The following DOK5 variants were observed in gnomAD, a reference collection of about 807,000 sequenced individuals.
DOK5 encodes downstream of tyrosine kinase 5.
DOK5 carries 27 observed loss-of-function variants against 43.3 expected under a neutral mutation model. The ratio of observed to expected loss-of-function variants is 0.62; its 90% CI spans 0.46 to 0.86. The LOEUF (loss-of-function observed/expected upper bound fraction) is 0.86, where lower values mean the gene tolerates loss of function less well. Ranked by LOEUF, DOK5 falls within the 40% of genes least tolerant of loss-of-function variation. The probability of loss-of-function intolerance (pLI) is 0.00; values close to 1 mark genes in which losing one functional copy is unlikely to be tolerated. For synonymous variants in DOK5, 146 were observed against 140.1 expected, an observed-to-expected ratio of 1.04 and a Z score of -0.30; for missense variants, 373 against 392.9, an observed-to-expected ratio of 0.95 and a Z score of 0.43.
intron 1 of DOK5, among the ~76,000 whole-genome samples, chr20:54,477,057 G>C (rs1981458460): frequency 6.6e-6 from 1 of 151,316 alleles, no homozygotes; most frequent in South Asian, 2.1e-4. Context: ...GGTGGCGGGG[G>C]CGGGGGGAGA....
intron 2 of DOK5, among the ~76,000 whole-genome samples, chr20:54,579,689 A>G (rs1467181325): frequency 6.6e-6 from 1 of 152,090 alleles, no homozygotes; most frequent in Non-Finnish European, 1.5e-5. Flanking sequence ...CACATAGCAT[A>G]ATGTTTTCAA....
At chr20:54,508,617 G>T (rs1982901002) in intron 1 of DOK5, among the ~76,000 whole-genome samples, 2 of 151,952 alleles carry the variant, frequency 1.3e-5, no homozygotes, top group African/African-American at 4.8e-5. Flanking sequence ...TTCGCTCTTT[G>T]TTGCCCAGGC....
At chr20:54,642,103 T>G (rs1331708144) in intron 6 of DOK5, among the ~76,000 whole-genome samples, 1 of 152,162 alleles carries the variant, frequency 6.6e-6, no homozygotes. Flanking sequence ...TGCACCCCCA[T>G]TCTTCTTGCA....
intron 5 of DOK5, among the ~76,000 whole-genome samples, chr20:54,609,259 C>G (rs1986566450): frequency 6.6e-6 from 1 of 152,152 alleles, no homozygotes; most frequent in African/African-American, 2.4e-5. Context: ...AAAATTCAGG[C>G]ACTGAAGCTA....
At chr20:54,604,107 C>T (rs1232767471) in intron 5 of DOK5, among the ~76,000 whole-genome samples, 1 of 151,770 alleles carries the variant, frequency 6.6e-6, no homozygotes, top group African/African-American at 2.4e-5. Flanking sequence ...CCACCATGCC[C>T]GGCTAATTTT....
chr20:54,564,629 A>G (rs565902786), intron 2 of DOK5, among the ~76,000 whole-genome samples: 11 of 152,234 alleles, frequency 7.2e-5, no homozygotes, highest in South Asian at 4.2e-4. Context: ...GAGAGAGAGA[A>G]AAAAAATACA....
At chr20:54,487,249 C>T (rs1034128452) in intron 1 of DOK5, among the ~76,000 whole-genome samples, 2 of 152,130 alleles carry the variant, frequency 1.3e-5, no homozygotes, top group Non-Finnish European at 2.9e-5. Flanking sequence ...CAACATAACT[C>T]AAAGAGTTGG....
At chr20:54,628,387 C>T (rs561936255) in intron 6 of DOK5, among the ~76,000 whole-genome samples, 13 of 107,682 alleles carry the variant, frequency 1.2e-4, no homozygotes, top group East Asian at 6.1e-4. Flanking sequence ...CCAGCCTGGG[C>T]GACAGAGCGA....
At chr20:54,510,139 A>AT (rs1982966550) in intron 1 of DOK5, among the ~76,000 whole-genome samples, 1 of 152,126 alleles carries the variant, frequency 6.6e-6, no homozygotes, top group Non-Finnish European at 1.5e-5. Context: ...ACCGACTTAC[A>AT]TTTTTTTGTT....
intron 5 of DOK5, among the ~76,000 whole-genome samples, chr20:54,597,761 T>C (rs908137869): frequency 1.3e-5 from 2 of 152,142 alleles, no homozygotes; most frequent in South Asian, 2.1e-4. Flanking sequence ...CCAAACTCCA[T>C]AGATTTCTAA....
At chr20:54,504,280 C>T (rs1361083003) in intron 1 of DOK5, among the ~76,000 whole-genome samples, 1 of 152,162 alleles carries the variant, frequency 6.6e-6, no homozygotes, top group Non-Finnish European at 1.5e-5. Context: ...GCAAGGAAAG[C>T]AATTCTTTGA....
intron 5 of DOK5, among the ~76,000 whole-genome samples, chr20:54,602,668 TAAC>T (rs1471315581): frequency 6.6e-6 from 1 of 152,154 alleles, no homozygotes; most frequent in East Asian, 1.9e-4. Context: ...CAGAATTTGA[TAAC>T]AATTTTTTAA....
chr20:54,564,739 A>G (rs1426705506), intron 2 of DOK5, among the ~76,000 whole-genome samples: 1 of 152,230 alleles, frequency 6.6e-6, no homozygotes, highest in Non-Finnish European at 1.5e-5. Flanking sequence ...GTTGGATCAG[A>G]TATCACCTGT....
intron 7 of DOK5, among the ~76,000 whole-genome samples, chr20:54,646,231 T>C (rs1354907321): frequency 2.7e-5 from 4 of 150,640 alleles, no homozygotes; most frequent in Non-Finnish European, 5.9e-5. Flanking sequence ...AATACTGTTA[T>C]ATCCACTGGT....
At chr20:54,616,390 A>C (rs767551995) in intron 6 of DOK5, among the ~76,000 whole-genome samples, 9 of 152,200 alleles carry the variant, frequency 5.9e-5, no homozygotes, top group Non-Finnish European at 1.3e-4. Context: ...GAGAGCTAAC[A>C]CATAAATCTC....
At chr20:54,574,501 T>G (rs542450182) in intron 2 of DOK5, among the ~76,000 whole-genome samples, 5 of 152,316 alleles carry the variant, frequency 3.3e-5, no homozygotes, top group Admixed American at 1.3e-4. Context: ...GTACAAGGAC[T>G]ATGTGGTGGG....
chr20:54,630,742 C>T (rs1978525702), intron 6 of DOK5, among the ~76,000 whole-genome samples: 1 of 152,286 alleles, frequency 6.6e-6, no homozygotes, highest in South Asian at 2.1e-4. Context: ...GAAGGTAAGA[C>T]TTCTCTGTGT....
At chr20:54,592,641 C>T (rs1306334274) in intron 5 of DOK5, among the ~76,000 whole-genome samples, 4 of 151,460 alleles carry the variant, frequency 2.6e-5, no homozygotes, top group South Asian at 2.1e-4. Context: ...CCCGGGTTCA[C>T]GCCATTCTCC....
chr20:54,645,020 T>C (rs1189786330), intron 7 of DOK5, among the ~76,000 whole-genome samples: 2 of 108,384 alleles, frequency 1.8e-5, no homozygotes, highest in African/African-American at 1.1e-4. Context: ...TTTTTTTTTT[T>C]TTTTTGAGAC....
Sources: gnomAD v4.1 joint callset for allele counts (sites outside exome capture counted in the v4.1 genomes callset) on GRCh38, gnomAD v4.1.1 for gene constraint, MANE v1.5 for transcripts, NCBI Gene and HGNC (gene_info 2026-07-23, HGNC 2026-07-21) for gene names.